The following PRKAG3 variants were observed in gnomAD, a reference collection of about 807,000 sequenced individuals.
PRKAG3 encodes protein kinase AMP-activated non-catalytic subunit gamma 3, also known as 5'-AMP-activated protein kinase subunit gamma-3.
A neutral mutation model predicts 56.5 loss-of-function variants in PRKAG3; 39 were observed. That is an observed-to-expected ratio of 0.69 (90% CI 0.53 to 0.90). PRKAG3 has a LOEUF of 0.90. PRKAG3 is among the 40% of genes least tolerant of loss of function. The pLI, the probability that PRKAG3 is intolerant of heterozygous loss-of-function variation, is 0.00. For missense variants in PRKAG3, 628 were observed against 627.5 expected, an observed-to-expected ratio of 1.00 and a Z score of -0.01; for synonymous variants, 243 against 250.1, an observed-to-expected ratio of 0.97 and a Z score of 0.27.
intron 10 of PRKAG3, among the ~76,000 whole-genome samples, chr2:218,826,039 A>G (rs980919312): frequency 6.6e-6 from 1 of 152,144 alleles, no homozygotes; most frequent in African/African-American, 2.4e-5. Flanking sequence ...GATTACAGGC[A>G]TGAGCCACCG....
exon 3 of PRKAG3, chr2:218,830,750 C>T: frequency 6.2e-7 from 1 of 1,612,302 alleles, no homozygotes; most frequent in Non-Finnish European, 8.5e-7. Flanking sequence ...CCTCACCTTC[C>T]CCCTGACCTG....
intron 10 of PRKAG3, 101 bp downstream of exon 10, chr2:218,826,827 C>G (rs1575211351): frequency 1.3e-6 from 2 of 1,486,102 alleles, no homozygotes; most frequent in Admixed American, 1.7e-5. Flanking sequence ...CCTGTACCCC[C>G]CACAGGGATG....
intron 4 of PRKAG3, 43 bp from the exon 5 acceptor site, chr2:218,828,643 C>A: frequency 6.5e-7 from 1 of 1,531,618 alleles, no homozygotes; most frequent in Non-Finnish European, 8.9e-7. Context: ...TCCCGAGAGA[C>A]CCTCACCCCC....
At chr2:218,830,126 G>A (rs1943997452) in exon 4 of PRKAG3, 29 of 1,613,470 alleles carry the variant, frequency 1.8e-5, no homozygotes, top group Non-Finnish European at 2.5e-5. Context: ...GGCCTGCGGG[G>A]ACAGGCACAG....
rs41272689 is a variant in PRKAG3, at chr2:218,827,874, T to C, written c.779A>G (p.Gln260Arg). The change falls in exon 7 of 13, where the codon CAG becomes CGG. Residue 260 changes from glutamine (Q) to arginine (R), a missense_variant. Physicochemically the swap from Gln to Arg is conservative, Grantham distance 43. Transcript: ENST00000529249. The surrounding 1 kb of genome is among the most constrained non-coding windows in gnomAD (Gnocchi z 5.3). The stretch of plus-strand genomic sequence containing the variant: ...CTTATGTTGTTCAATCTCATAGATC[T>C]GGACCTAGAGACATCGACAGGACTC... 1.9e-3 allele frequency: 3,065 copies of C among 1,614,126 alleles called. 7 individuals carry two copies. Among genetic ancestry groups the C allele is most frequent in the Non-Finnish European group, 2.4e-3 (2,813 of 1,179,998 alleles).
chr2:218,829,482 G>A (rs1323875766), intron 4 of PRKAG3, among the ~76,000 whole-genome samples: 8 of 151,384 alleles, frequency 5.3e-5, no homozygotes, highest in East Asian at 3.9e-4. Context: ...CACCACGGCC[G>A]GCTAATTTTT....
intron 4 of PRKAG3, among the ~76,000 whole-genome samples, chr2:218,829,458 T>G: frequency 6.6e-6 from 1 of 152,022 alleles, no homozygotes; most frequent in East Asian, 1.9e-4. Context: ...GTAGCTGGGA[T>G]TACAGGCGCC....
Position 218,827,659 on chromosome 2 carries a change from G to C in PRKAG3, c.821-30C>G. 6.2e-7 allele frequency: 1 copy of C among 1,612,338 alleles called. No individual in the cohort carries two copies. Reference sequence around the variant, plus strand: ...AGAAAGAGCCAGAGTCAGGCCAGGGGAGCCGGTCACCTGCCTCACCTTGCA... The same window carrying C: ...AGAAAGAGCCAGAGTCAGGCCAGGGCAGCCGGTCACCTGCCTCACCTTGCA... On this transcript the variant is annotated intron_variant, in intron 7 of 12. Coordinates refer to ENST00000529249, the Ensembl canonical transcript of PRKAG3. The surrounding 1 kb of genome is among the most constrained non-coding windows in gnomAD (Gnocchi z 5.3).
At chr2:218,826,786 A>G in intron 10 of PRKAG3, 142 bp downstream of exon 10, 1 of 1,103,012 alleles carries the variant, frequency 9.1e-7, no homozygotes, top group Non-Finnish European at 1.3e-6. Flanking sequence ...CAAGTCTCAG[A>G]GTAGACGGAG....
Position 218,830,154 on chromosome 2 carries a change from G to C in PRKAG3, c.457C>G (p.Leu153Val), listed in dbSNP as rs35050588. 10,413 of 1,614,110 alleles carry C rather than the reference G, an allele frequency of 6.5e-3. 589 individuals are homozygous for C. In the African/African-American group the frequency reaches 0.12, roughly 18 times the overall value. ...AGGCACAGGGCAGGCCTCTCTTCCA[G>C]CAGGCCTTCTAGCTCACACTCCCAG... Residue 153 changes from leucine to valine, a missense_variant, in exon 4 of 13, where the codon CTG becomes GTG. Leu to Val is a conservative substitution (Grantham distance 32). Transcript: ENST00000529249.
rs1311794331 is a variant in PRKAG3 at position 218,830,181 on chromosome 2, C to A, written c.430G>T (p.Ala144Ser). The A allele has an allele frequency of 3.1e-6, 5 of 1,614,166 alleles. No homozygotes were observed. The Admixed American group carries it at 8.3e-5, about 27-fold the overall frequency. The change falls in exon 4 of 13, where the codon GCC becomes TCC. Residue 144 changes from alanine (A) to serine (S), a missense_variant. Transcript: ENST00000529249. ...AGGCCTTCTAGCTCACACTCCCAGG[C>A]CTCTGTGGCTGGGAACTCCGTGGCC...
In PRKAG3 at chr2:218,827,338, C is replaced by T. The variant is rs777097658; in HGVS notation, c.911G>A (p.Arg304Gln). Residue 304 changes from arginine (R) to glutamine (Q), a missense_variant, in exon 9 of 13, where the codon CGG (arginine) becomes CAG (glutamine). Arg to Gln is a conservative substitution (Grantham distance 43). Coordinates refer to ENST00000529249, the Ensembl canonical transcript of PRKAG3. This position sits in a 1 kb window ranked among gnomAD's most constrained non-coding sequence, Gnocchi z 5.3. Reference sequence around the variant, plus strand: ...GTCAAGAACAGGCAGGCGATGGATCCGGTTCTTGATGAGGGTGTAGACAGC... The same window carrying T: ...GTCAAGAACAGGCAGGCGATGGATCTGGTTCTTGATGAGGGTGTAGACAGC... 6.8e-6 allele frequency: 11 copies of T among 1,613,980 alleles called. No individual in the cohort carries two copies. Among genetic ancestry groups the T allele is most frequent in the African/African-American group, 2.7e-5 (2 of 74,910 alleles).
At chr2:218,831,222 G>A in intron 2 of PRKAG3, 114 bp downstream of exon 2, 1 of 840,426 alleles carries the variant, frequency 1.2e-6, no homozygotes, top group Non-Finnish European at 1.9e-6. Flanking sequence ...GAGGAAGAAA[G>A]ACCAAAAGGA....
chr2:218,827,615 CT>C lies in PRKAG3; in HGVS notation c.834del (p.Gly279AlafsTer91). 6.2e-7 allele frequency: 1 copy of C among 1,614,066 alleles called. No individual in the cohort carries two copies. On this transcript the variant is annotated frameshift_variant, in exon 8 of 13. Coordinates refer to ENST00000529249, the Ensembl canonical transcript of PRKAG3. LOFTEE classifies it high-confidence loss of function. The surrounding 1 kb of genome is among the most constrained non-coding windows in gnomAD (Gnocchi z 5.3). ...ATGGAGACCAGAGGCTTGAAGCAGC[CT>C]TGCAGGTAGATCTCTGCAGAAAGAG...
chr2:218,828,551 G>A (rs1472219483), exon 5 of PRKAG3: 3 of 1,613,770 alleles, frequency 1.9e-6, no homozygotes, highest in Non-Finnish European at 2.5e-6. Context: ...GTCCCATAGA[G>A]GGGCTGCCCG....
In PRKAG3 at chr2:218,828,068, G is replaced by GA. The variant is rs869169516; in HGVS notation, c.716-7_716-6insT. On this transcript the variant is annotated splice_polypyrimidine_tract_variant and splice_region_variant and intron_variant, in intron 5 of 12. Transcript: ENST00000529249. ...GTCAGTGATGGTCAGCATCCCTGCA[G>GA]GGAGGGGCGGGGAGGAGGTCAGCCC... The GA allele has an allele frequency of 2.1e-6, 3 of 1,403,018 alleles. No homozygotes were observed. Among genetic ancestry groups the GA allele is most frequent in the African/African-American group, 3.1e-5 (1 of 31,932 alleles). The allele number at this position is 1,403,018 out of a possible 1,614,324, so 86.9% of individuals were successfully genotyped here. A position where few individuals can be genotyped will look rare whatever the true frequency, so the allele number is the denominator to read the frequency against.
rs369572522 is a variant in PRKAG3, at chr2:218,827,770, C to T, written c.820+63G>A. 1.7e-5 allele frequency: 27 copies of T among 1,580,890 alleles called. 3 individuals carry two copies. Among genetic ancestry groups the T allele is most frequent in the African/African-American group, 9.6e-5 (7 of 72,586 alleles). On this transcript the variant is annotated intron_variant, in intron 7 of 12. Coordinates refer to ENST00000529249, the Ensembl canonical transcript of PRKAG3. This position sits in a 1 kb window ranked among gnomAD's most constrained non-coding sequence, Gnocchi z 5.3. The stretch of plus-strand genomic sequence containing the variant: ...CTCCAGGACATCCCCACTGCCCATC[C>T]TCCACCTTAAGCCCTGGCCCACCAT...
chr2:218,828,901 G>A (rs1009659705), intron 4 of PRKAG3, among the ~76,000 whole-genome samples: 5 of 152,330 alleles, frequency 3.3e-5, no homozygotes, highest in Middle Eastern at 3.4e-3. Flanking sequence ...GTTTCCATTT[G>A]GAGGGTATGT....
chr2:218,830,223 T>C (rs757213331), exon 4 of PRKAG3: 1 of 1,613,914 alleles, frequency 6.2e-7, no homozygotes, highest in African/African-American at 1.3e-5. Context: ...ACATCATCTG[T>C]GCTGGAGCCT....
Sources: gnomAD v4.1 joint callset for allele counts (sites outside exome capture counted in the v4.1 genomes callset) on GRCh38, gnomAD v4.1.1 for gene constraint, Gnocchi (gnomAD v3.1) non-coding constraint, MANE v1.5 for transcripts, NCBI Gene and HGNC (gene_info 2026-07-23, HGNC 2026-07-21) for gene names.